RHOBTB3: variants seen among roughly 807,000 people sequenced by gnomAD.
The protein encoded by RHOBTB3 is rho-related BTB domain-containing protein 3.
In RHOBTB3, 47 loss-of-function variants were observed where a neutral mutation model predicts 67.2. The observed-to-expected ratio is 0.70, with a 90% CI of 0.55 to 0.89. RHOBTB3 has a LOEUF of 0.89. Among genes scored for constraint, RHOBTB3 ranks in the 40% least tolerant of loss-of-function variants. The probability of loss-of-function intolerance (pLI) is 0.00; values close to 1 mark genes in which losing one functional copy is unlikely to be tolerated. For synonymous variants in RHOBTB3, 273 were observed against 274.2 expected, an observed-to-expected ratio of 1.00 and a Z score of 0.04; for missense variants, 631 against 750.0, an observed-to-expected ratio of 0.84 and a Z score of 1.85.
intron 8 of RHOBTB3, chr5:95,770,765 T>C: frequency 3.6e-6 from 1 of 274,792 alleles, no homozygotes; most frequent in Non-Finnish European, 7.4e-6. Context: ...AAGGCAGTAT[T>C]TCTCACCAGT....
chr5:95,761,374 A>T (rs1451109652), intron 6 of RHOBTB3, among the ~76,000 whole-genome samples: 10 of 125,640 alleles, frequency 8.0e-5, no homozygotes, highest in South Asian at 2.4e-4. Flanking sequence ...ACAGGGTCTC[A>T]CTCTGTCACT....
upstream of RHOBTB3, chr5:95,731,205 G>A: frequency 1.0e-6 from 1 of 1,003,026 alleles, no homozygotes; most frequent in South Asian, 4.2e-5. Context: ...GCCTCCGCGG[G>A]GAGCGCGTCC....
intron 3 of RHOBTB3, among the ~76,000 whole-genome samples, chr5:95,746,748 C>T (rs756436912): frequency 1.3e-5 from 2 of 152,072 alleles, no homozygotes; most frequent in Non-Finnish European, 2.9e-5. Flanking sequence ...TTGGAAAAGC[C>T]ACATAACCTC....
chr5:95,778,118 CAAA>C (rs531257016), intron 8 of RHOBTB3, among the ~76,000 whole-genome samples: 1 of 136,494 alleles, frequency 7.3e-6, no homozygotes, highest in Non-Finnish European at 1.6e-5. Flanking sequence ...GACTCTATCT[CAAA>C]AAAAAAAAAA....
At chr5:95,724,041 GATAC>G (rs1186322631) in intron 1 of RHOBTB3, among the ~76,000 whole-genome samples, 3 of 152,088 alleles carry the variant, frequency 2.0e-5, no homozygotes, top group African/African-American at 7.2e-5. Context: ...ATTTGATAAC[GATAC>G]ATACATTATG....
At chr5:95,763,275 G>A (rs182424636) in intron 6 of RHOBTB3, among the ~76,000 whole-genome samples, 20 of 152,338 alleles carry the variant, frequency 1.3e-4, no homozygotes, top group Non-Finnish European at 2.1e-4. Flanking sequence ...CAGAGAGGTA[G>A]CAGCAGTCTG....
upstream of RHOBTB3, among the ~76,000 whole-genome samples, chr5:95,726,677 T>C (rs887454613): frequency 6.6e-6 from 1 of 152,254 alleles, no homozygotes; most frequent in African/African-American, 2.4e-5. Flanking sequence ...TCAGCTTGGC[T>C]GGGGGTTTTT....
At chr5:95,777,118 T>G (rs936956226) in intron 8 of RHOBTB3, among the ~76,000 whole-genome samples, 6 of 152,222 alleles carry the variant, frequency 3.9e-5, no homozygotes, top group Admixed American at 6.5e-5. Flanking sequence ...AAGTCAGTCT[T>G]GGTAAATATT....
At chr5:95,774,886 T>C (rs1229462110) in intron 8 of RHOBTB3, among the ~76,000 whole-genome samples, 1 of 152,172 alleles carries the variant, frequency 6.6e-6, no homozygotes, top group Admixed American at 6.5e-5. Context: ...ATTGAGACAT[T>C]TGTATTACAT....
upstream of RHOBTB3, among the ~76,000 whole-genome samples, chr5:95,728,584 G>A (rs571786911): frequency 6.4e-4 from 98 of 152,222 alleles, 1 homozygote; most frequent in African/African-American, 2.3e-3. Context: ...TTTACTGACT[G>A]CCTAGGCCTA....
In RHOBTB3 at chr5:95,734,650, G is replaced by A. The variant is rs139180049; in HGVS notation, c.229-2239G>A. Among the ~76,000 whole-genome samples the A allele has an allele frequency of 2.1e-4, 32 of 152,004 alleles. No individual in the cohort carries two copies. The East Asian group carries it at 4.4e-3, about 21-fold the overall frequency. On this transcript the variant is annotated intron_variant, in intron 2 of 11. Coordinates refer to ENST00000379982, the MANE Select transcript of RHOBTB3 (RefSeq NM_014899.4). ...GTGTCTTTCTCTCTCTTTCCCATCC[G>A]TTTTTTTGGTGTGGTACATTATTAT...
At chr5:95,759,354 A>G (rs941044836) in intron 6 of RHOBTB3, among the ~76,000 whole-genome samples, 21 of 152,234 alleles carry the variant, frequency 1.4e-4, no homozygotes, top group Non-Finnish European at 2.9e-4. Flanking sequence ...GCAGGTATCT[A>G]TTTATTATTC....
upstream of RHOBTB3, among the ~76,000 whole-genome samples, chr5:95,726,716 C>T (rs1029839980): frequency 9.2e-5 from 14 of 152,196 alleles, no homozygotes; most frequent in Admixed American, 9.2e-4. Context: ...AACACTGTCT[C>T]CCTTGGTTCC....
chr5:95,744,598 G>T (rs772597115), intron 3 of RHOBTB3, among the ~76,000 whole-genome samples: 4 of 151,960 alleles, frequency 2.6e-5, no homozygotes, highest in Non-Finnish European at 5.9e-5. Context: ...AAATTAATTT[G>T]CCATACAAGA....
At chr5:95,773,265 G>A (rs139246237) in intron 8 of RHOBTB3, among the ~76,000 whole-genome samples, 1 of 152,292 alleles carries the variant, frequency 6.6e-6, no homozygotes, top group East Asian at 1.9e-4. Context: ...GTCAGGAAGG[G>A]CTGGCTGGAT....
intron 6 of RHOBTB3, among the ~76,000 whole-genome samples, chr5:95,758,957 T>G (rs1186301128): frequency 6.6e-6 from 1 of 152,132 alleles, no homozygotes; most frequent in Non-Finnish European, 1.5e-5. Flanking sequence ...GTTAACAGCT[T>G]AGGATTCAAA....
intron 7 of RHOBTB3, 146 bp downstream of exon 7, chr5:95,763,766 A>G (rs1050365560): frequency 1.7e-6 from 1 of 581,634 alleles, no homozygotes; most frequent in Admixed American, 3.2e-5. Flanking sequence ...CCATTTAAAT[A>G]TTTAAAACAT....
Position 95,794,441 on chromosome 5 carries a change from C to T in RHOBTB3, c.*1267C>T, listed in dbSNP as rs1746511433. The T allele has an allele frequency of 6.0e-6, 1 of 168,006 alleles. No homozygotes were observed. The highest frequency in any genetic ancestry group is 1.4e-4 in the South Asian group (1 of 7,008). 10.4% of individuals were successfully genotyped at this position (168,006 alleles called of 1,614,324 possible). On this transcript the variant is annotated 3_prime_UTR_variant, in exon 12 of 12. Coordinates refer to ENST00000379982, the MANE Select transcript of RHOBTB3 (RefSeq NM_014899.4). ...TGCAAGATTATTTGATAAAGAGTAG[C>T]ATGAATCTTGTGCTCTAATATTACA...
rs1420742383 is a variant in RHOBTB3, at chr5:95,731,414, C to T, written c.-269C>T. On this transcript the variant is annotated 5_prime_UTR_variant, in exon 1 of 12. Coordinates refer to ENST00000379982, the MANE Select transcript of RHOBTB3 (RefSeq NM_014899.4). ...TCAGCTGCGTCCACTTGGGGCTGTGCGGCGGTCCCGCGCCCGGCGATGTTC... is the reference window on the plus strand; with the variant it reads ...TCAGCTGCGTCCACTTGGGGCTGTGTGGCGGTCCCGCGCCCGGCGATGTTC... 1.7e-6 allele frequency: 2 copies of T among 1,187,974 alleles called. No individual in the cohort carries two copies. Among genetic ancestry groups the T allele is most frequent in the Admixed American group, 4.6e-5 (1 of 21,676 alleles). The allele number at this position is 1,187,974 out of a possible 1,614,324, so 73.6% of individuals were successfully genotyped here.
Sources: gnomAD v4.1 joint callset for allele counts (sites outside exome capture counted in the v4.1 genomes callset) on GRCh38, gnomAD v4.1.1 for gene constraint, MANE v1.5 for transcripts, NCBI Gene and HGNC (gene_info 2026-07-23, HGNC 2026-07-21) for gene names.